Variants in TANC2 observed in about 807,000 individuals in gnomAD.
TANC2 encodes protein TANC2.
TANC2 carries 26 observed loss-of-function variants against 210.5 expected under a neutral mutation model. The ratio of observed to expected loss-of-function variants is 0.12; its 90% CI spans 0.09 to 0.17. TANC2 has a LOEUF of 0.17. TANC2 is among the 10% of genes least tolerant of loss of function. The pLI is 1.00. For synonymous variants in TANC2, 931 were observed against 967.1 expected, an observed-to-expected ratio of 0.96 and a Z score of 0.69; for missense variants, 2,129 against 2,608.9, an observed-to-expected ratio of 0.82 and a Z score of 4.01.
At chr17:63,257,588 A>G (rs2043233005) in intron 8 of TANC2, among the ~76,000 whole-genome samples, 1 of 152,042 alleles carries the variant, frequency 6.6e-6, no homozygotes, top group Non-Finnish European at 1.5e-5. Context: ...TTGAGCTCCT[A>G]AGCTCAAGCA....
intron 4 of TANC2, among the ~76,000 whole-genome samples, chr17:63,127,181 T>C (rs2038742240): frequency 6.6e-6 from 1 of 152,240 alleles, no homozygotes; most frequent in Admixed American, 6.5e-5. Context: ...ACTAAATGTC[T>C]AATATTTTCT....
chr17:63,216,033 G>C (rs1271005897), intron 7 of TANC2, among the ~76,000 whole-genome samples: 1 of 151,972 alleles, frequency 6.6e-6, no homozygotes, highest in Non-Finnish European at 1.5e-5. Flanking sequence ...TTATGGGCAT[G>C]AGCCACCGCT....
In TANC2 at chr17:63,421,194, T is replaced by C. The variant is rs949289102; in HGVS notation, c.5464T>C (p.Ser1822Pro). The change falls in exon 28 of 28, where the codon TCC becomes CCC. Residue 1822 changes from serine (S) to proline (P), a missense_variant. By Grantham distance (74) the Ser-to-Pro change is moderately conservative (BLOSUM62 -1). Transcript: ENST00000689528. The surrounding 1 kb of genome is among the most constrained non-coding windows in gnomAD (Gnocchi z 6.9). ...TCACTCAAAACTAGATCTGGAGCGC[T>C]CCTCCAGCCAACTAGGTTCCCCTGA... The C allele has an allele frequency of 1.2e-6, 2 of 1,613,946 alleles. No individual in the cohort carries two copies. The highest frequency in any genetic ancestry group is 3.3e-5 in the Admixed American group (2 of 60,026).
intron 2 of TANC2, among the ~76,000 whole-genome samples, chr17:63,034,839 T>C (rs184641446): frequency 1.7e-4 from 26 of 152,322 alleles, no homozygotes; most frequent in Non-Finnish European, 2.9e-5. Context: ...GAGAAGTTAC[T>C]TACAGATGTG....
At chr17:62,986,821 G>A (rs1353642981) in intron 1 of TANC2, among the ~76,000 whole-genome samples, 1 of 152,082 alleles carries the variant, frequency 6.6e-6, no homozygotes, top group Non-Finnish European at 1.5e-5. Context: ...CCGGCCTGGG[G>A]TATTACCAGA....
chr17:63,328,390 GTGTGTGTGTGTGTGTGTATTCAT>G (rs760601313), intron 11 of TANC2, among the ~76,000 whole-genome samples: 37 of 151,654 alleles, frequency 2.4e-4, no homozygotes, highest in Non-Finnish European at 5.0e-4. Flanking sequence ...GTGTGTGTGT[GTGTGTGTGTGTGTGTGTATTCAT>G]TGTGTGTGTG....
intron 14 of TANC2, among the ~76,000 whole-genome samples, chr17:63,367,392 G>A (rs929681128): frequency 6.6e-6 from 1 of 152,192 alleles, no homozygotes; most frequent in African/African-American, 2.4e-5. Context: ...AAAACATGAT[G>A]AGATTTTTTT....
At chr17:62,989,767 CTT>C (rs369502208) in intron 1 of TANC2, among the ~76,000 whole-genome samples, 109 of 109,766 alleles carry the variant, frequency 9.9e-4, no homozygotes, top group African/African-American at 4.0e-3. Context: ...AAAACACATG[CTT>C]TTTTTTTTTT....
intron 15 of TANC2, among the ~76,000 whole-genome samples, chr17:63,384,015 TC>T: frequency 6.6e-6 from 1 of 152,162 alleles, no homozygotes; most frequent in Non-Finnish European, 1.5e-5. Context: ...CAGACTGAGT[TC>T]AAACCCTGTC....
intron 4 of TANC2, chr17:63,148,889 T>C (rs775447915): frequency 9.2e-5 from 14 of 152,114 alleles, no homozygotes; most frequent in Non-Finnish European, 1.9e-4. Context: ...GTTCAACTTA[T>C]CATATCTGTG....
intron 9 of TANC2, among the ~76,000 whole-genome samples, chr17:63,280,215 C>T (rs545257516): frequency 2.4e-4 from 37 of 152,158 alleles, no homozygotes; most frequent in African/African-American, 8.2e-4. Context: ...CCAGATCTAA[C>T]TTAGTTCATT....
intron 7 of TANC2, among the ~76,000 whole-genome samples, chr17:63,233,282 C>T (rs2042531225): frequency 6.7e-6 from 1 of 149,198 alleles, no homozygotes; most frequent in Non-Finnish European, 1.5e-5. Flanking sequence ...AGGCAGTTTC[C>T]AGCCAAGAGG....
rs529950808 is a variant in TANC2, at chr17:62,996,417, G to A, written c.-23-13120G>A. Among the ~76,000 whole-genome samples the A allele has an allele frequency of 6.6e-5, 10 of 152,146 alleles. No individual in the cohort carries two copies. The South Asian group carries it at 1.5e-3, about 22-fold the overall frequency. On this transcript the variant is annotated intron_variant, in intron 1 of 27. Coordinates refer to ENST00000689528, the Ensembl canonical transcript of TANC2. ...ATAGACTGCTGTGTGTTCAAATAAG[G>A]CAAATGCCAACCTGTAACCAGTGCA... is the stretch of plus-strand genomic sequence containing the variant.
At chr17:63,373,603 C>G (rs2047335928) in intron 14 of TANC2, among the ~76,000 whole-genome samples, 1 of 152,220 alleles carries the variant, frequency 6.6e-6, no homozygotes. Flanking sequence ...CTTGCTTAGT[C>G]TCTGTCAATC....
chr17:63,211,757 A>G (rs571376829), intron 7 of TANC2, among the ~76,000 whole-genome samples: 2 of 152,282 alleles, frequency 1.3e-5, no homozygotes, highest in East Asian at 3.9e-4. Flanking sequence ...TATCTGTAGC[A>G]TTTAGTCCAG....
At chr17:63,390,059 C>A (rs2047916671) in intron 17 of TANC2, 1 of 166,786 alleles carries the variant, frequency 6.0e-6, no homozygotes, top group African/African-American at 2.4e-5. Flanking sequence ...TCAGACTGAC[C>A]AAGGGCACCT....
chr17:63,331,927 C>T (rs987934841), intron 11 of TANC2: 24 of 227,564 alleles, frequency 1.1e-4, no homozygotes, highest in Admixed American at 4.4e-4. Flanking sequence ...CTCCATTTGG[C>T]GGTATCAACT....
At chr17:63,036,492 G>T (rs564372891) in intron 2 of TANC2, among the ~76,000 whole-genome samples, 3 of 152,242 alleles carry the variant, frequency 2.0e-5, no homozygotes, top group Admixed American at 2.0e-4. Flanking sequence ...TGCCAGTACT[G>T]CACTGTCTTG....
intron 13 of TANC2, 34 bp downstream of exon 13, chr17:63,351,450 T>A (rs1226712749): frequency 6.5e-7 from 1 of 1,529,928 alleles, no homozygotes; most frequent in African/African-American, 1.4e-5. Context: ...CCATAAATGA[T>A]TCCTCTTGGA....
Sources: gnomAD v4.1 joint callset for allele counts (sites outside exome capture counted in the v4.1 genomes callset) on GRCh38, gnomAD v4.1.1 for gene constraint, Gnocchi (gnomAD v3.1) non-coding constraint, MANE v1.5 for transcripts, NCBI Gene and HGNC (gene_info 2026-07-23, HGNC 2026-07-21) for gene names.